The following SLC15A4 variants were observed in gnomAD, a reference collection of about 807,000 sequenced individuals.
SLC15A4 encodes the protein hPHT1.
Under a neutral mutation model 46.1 loss-of-function variants are expected in SLC15A4, and 26 were observed. The ratio of observed to expected loss-of-function variants is 0.56; its 90% CI spans 0.41 to 0.78. The LOEUF is 0.78. SLC15A4 is among the 30% of genes least tolerant of loss of function. The pLI is 0.00. For synonymous variants in SLC15A4, 370 were observed against 333.4 expected, an observed-to-expected ratio of 1.11 and a Z score of -1.20; for missense variants, 751 against 755.7, an observed-to-expected ratio of 0.99 and a Z score of 0.07.
At chr12:128,809,842 A>T in intron 3 of SLC15A4, 101 bp downstream of exon 3, 1 of 1,244,282 alleles carries the variant, frequency 8.0e-7, no homozygotes, top group Non-Finnish European at 1.1e-6. Context: ...ATGGGAAAAA[A>T]AATCACCTAG....
chr12:128,805,181 T>C (rs1955569693), intron 5 of SLC15A4, among the ~76,000 whole-genome samples: 2 of 152,222 alleles, frequency 1.3e-5, no homozygotes, highest in Non-Finnish European at 2.9e-5. Context: ...TCATGCTGGC[T>C]AGATGTTTAA....
In SLC15A4 at chr12:128,823,910, C is replaced by T. The variant is rs913320372; in HGVS notation, c.34G>A (p.Ala12Thr). The change falls in exon 1 of 8, where the codon GCG becomes ACG. Residue 12 changes from alanine (A) to threonine (T), a missense_variant. Transcript: ENST00000266771. ...EGSGGGAGER[A>T]PLLGARRAAA... ...GCCCGCCGCGCGCCCAGCAGCGGCG[C>T]CCGCTCGCCCGCACCGCCCCCAGAG... is the stretch of plus-strand genomic sequence containing the variant. 34 of 804,494 alleles carry T rather than the reference C, an allele frequency of 4.2e-5. No homozygotes were observed. The South Asian group carries it at 1.4e-3, about 33-fold the overall frequency. The allele number at this position is 804,494 out of a possible 1,614,324, so 49.8% of individuals were successfully genotyped here.
chr12:128,823,912 C>A lies in SLC15A4; in HGVS notation c.32G>T (p.Arg11Leu). 1 of 815,712 alleles carries A rather than the reference C, an allele frequency of 1.2e-6. No individual in the cohort carries two copies. The highest frequency in any genetic ancestry group is 5.4e-5 in the South Asian group (1 of 18,610). 50.5% of individuals were successfully genotyped at this position (815,712 alleles called of 1,614,324 possible). A position where few individuals can be genotyped will look rare whatever the true frequency, so the allele number is the denominator to read the frequency against. Residue 11 changes from arginine to leucine, a missense_variant, in exon 1 of 8, where the codon CGG (arginine) becomes CTG (leucine). Transcript: ENST00000266771. ...CCGCCGCGCGCCCAGCAGCGGCGCC[C>A]GCTCGCCCGCACCGCCCCCAGAGCC... The part of the protein sequence containing the change: MEGSGGGAGE[R>L]APLLGARRAA...
chr12:128,805,029 A>T (rs1696767953), intron 5 of SLC15A4, among the ~76,000 whole-genome samples: 2 of 152,214 alleles, frequency 1.3e-5, no homozygotes, highest in African/African-American at 4.8e-5. Context: ...CTTTTAACAG[A>T]CAGGGTTTGT....
intron 4 of SLC15A4, chr12:128,809,171 G>GT: frequency 1.7e-6 from 1 of 601,268 alleles, no homozygotes; most frequent in South Asian, 2.3e-5. Flanking sequence ...AAATAATCAG[G>GT]TGAAAAATAC....
At chr12:128,797,686 C>A (rs932453441) in intron 7 of SLC15A4, among the ~76,000 whole-genome samples, 1 of 152,234 alleles carries the variant, frequency 6.6e-6, no homozygotes, top group African/African-American at 2.4e-5. Context: ...AAGGGTGGCA[C>A]AGACACCCCC....
rs1391633166 is a variant in SLC15A4, at chr12:128,814,712, GA to G, written c.842+62del. ...TAAGCACACAACAAACCGAAGCTAG[GA>G]TGTTAATAAAGAGATCGATAAAGTC... is the stretch of plus-strand genomic sequence containing the variant. On this transcript the variant is annotated intron_variant, in intron 2 of 7. Coordinates refer to ENST00000266771, the MANE Select transcript of SLC15A4 (RefSeq NM_145648.4). 29 of 1,538,448 alleles carry G rather than the reference GA, an allele frequency of 1.9e-5. No homozygotes were observed. In the Admixed American group the frequency reaches 2.5e-4, roughly 13 times the overall value.
chr12:128,796,749 C>G (rs956774687), intron 7 of SLC15A4, among the ~76,000 whole-genome samples: 1 of 152,204 alleles, frequency 6.6e-6, no homozygotes, highest in Admixed American at 6.5e-5. Context: ...GCTACTGAGA[C>G]GAGGTTGTCA....
rs141146348 is a variant in SLC15A4, at chr12:128,796,910, G to A, written c.1573+2349C>T. 3.9e-3 allele frequency among the ~76,000 whole-genome samples: 589 copies of A among 152,342 alleles called. 13 individuals are homozygous for A. The East Asian group carries it at 0.04, about 10-fold the overall frequency. Reference sequence around the variant, plus strand: ...TGAACTGAAGGCTGCGCGGCCCTGCGGGAGTGGAGGTGCGGTCCAAGCCCG... The same window carrying A: ...TGAACTGAAGGCTGCGCGGCCCTGCAGGAGTGGAGGTGCGGTCCAAGCCCG... On this transcript the variant is annotated intron_variant, in intron 7 of 7. Transcript: ENST00000266771.
chr12:128,815,972 G>A (rs1955745603), intron 1 of SLC15A4: 8 of 152,238 alleles, frequency 5.3e-5, no homozygotes, highest in Admixed American at 5.2e-4. Flanking sequence ...CTGAGAATCA[G>A]AGATCTCAGT....
chr12:128,801,880 A>T (rs1383387950), intron 5 of SLC15A4, among the ~76,000 whole-genome samples: 1 of 152,192 alleles, frequency 6.6e-6, no homozygotes, highest in Non-Finnish European at 1.5e-5. Flanking sequence ...AGGGCAATGG[A>T]ATGAAAATAT....
At chr12:128,797,508 T>C (rs1955460217) in intron 7 of SLC15A4, among the ~76,000 whole-genome samples, 1 of 152,216 alleles carries the variant, frequency 6.6e-6, no homozygotes, top group Non-Finnish European at 1.5e-5. Flanking sequence ...TACTATGGTA[T>C]GCACGTTCTC....
chr12:128,821,731 C>T (rs1277224225), intron 1 of SLC15A4, among the ~76,000 whole-genome samples: 1 of 151,926 alleles, frequency 6.6e-6, no homozygotes, highest in Non-Finnish European at 1.5e-5. Flanking sequence ...ACTAGAAATA[C>T]AAAAGTTAGC....
chr12:128,820,559 CTCAG>C (rs1156452808), intron 1 of SLC15A4, among the ~76,000 whole-genome samples: 22 of 152,222 alleles, frequency 1.4e-4, no homozygotes, highest in Non-Finnish European at 3.2e-4. Flanking sequence ...TGAATCCTGG[CTCAG>C]TCACATACAA....
At chr12:128,811,481 T>C (rs1955654969) in intron 2 of SLC15A4, among the ~76,000 whole-genome samples, 1 of 152,250 alleles carries the variant, frequency 6.6e-6, no homozygotes, top group African/African-American at 2.4e-5. Flanking sequence ...GTACCTGCTG[T>C]AGGCCCTGCA....
At chr12:128,797,290 C>G (rs1407054808) in intron 7 of SLC15A4, among the ~76,000 whole-genome samples, 1 of 152,006 alleles carries the variant, frequency 6.6e-6, no homozygotes, top group Non-Finnish European at 1.5e-5. Context: ...GAGATGCTCA[C>G]AGACAGAAGT....
At chr12:128,803,553 G>A (rs1010875536) in intron 5 of SLC15A4, among the ~76,000 whole-genome samples, 15 of 152,138 alleles carry the variant, frequency 9.9e-5, no homozygotes, top group African/African-American at 1.2e-4. Flanking sequence ...TGCCACATGC[G>A]CTACCTTCCA....
chr12:128,823,552 GC>G lies in SLC15A4; in HGVS notation c.391del (p.Ala131ArgfsTer80). ...PLLAAPATRA[A>X]LCGSARLLNC... ...GAGCAGGCGCGCGGAACCGCAGAGC[GC>G]GGCTCGCGTGGCGGGCGCGGCCAGC... On this transcript the variant is annotated frameshift_variant, in exon 1 of 8. Transcript: ENST00000266771. LOFTEE classifies it high-confidence loss of function. 1.4e-6 allele frequency: 2 copies of G among 1,447,118 alleles called. No individual in the cohort carries two copies. Among genetic ancestry groups the G allele is most frequent in the Non-Finnish European group, 1.8e-6 (2 of 1,108,078 alleles). 89.6% of individuals were successfully genotyped at this position (1,447,118 alleles called of 1,614,324 possible). A position where few individuals can be genotyped will look rare whatever the true frequency, so the allele number is the denominator to read the frequency against.
Position 128,794,285 on chromosome 12 carries a change from G to T in SLC15A4, c.1645C>A (p.Leu549Ile). ...TATTTCACAGAAATAATGAGGAAAAGCAGGAGGGTAGCTCCTTGAATAGCA... is the reference window on the plus strand; with the variant it reads ...TATTTCACAGAAATAATGAGGAAAATCAGGAGGGTAGCTCCTTGAATAGCA... ...LAAIQGATLL[L>I]FLIISVKYDH... The change falls in exon 8 of 8, where the codon CTT becomes ATT. Residue 549 changes from leucine (L) to isoleucine (I), a missense_variant. Physicochemically the swap from Leu to Ile is conservative, Grantham distance 5 (BLOSUM62 2). Coordinates refer to ENST00000266771, the MANE Select transcript of SLC15A4 (RefSeq NM_145648.4). 12 of 1,613,966 alleles carry T rather than the reference G, an allele frequency of 7.4e-6. No individual in the cohort carries two copies. The highest frequency in any genetic ancestry group is 1.0e-5 in the Non-Finnish European group (12 of 1,179,888).
Sources: gnomAD v4.1 joint callset for allele counts (sites outside exome capture counted in the v4.1 genomes callset) on GRCh38, gnomAD v4.1.1 for gene constraint, MANE v1.5 for transcripts, NCBI Gene and HGNC (gene_info 2026-07-23, HGNC 2026-07-21) for gene names.